DOCK2: variants seen among roughly 807,000 people sequenced by gnomAD.
DOCK2 encodes the protein dedicator of cytokinesis protein 2.
A neutral mutation model predicts 248.9 loss-of-function variants in DOCK2; 87 were observed. That is an observed-to-expected ratio of 0.35 (90% CI 0.29 to 0.42). The LOEUF is 0.42. DOCK2 is among the 10% of genes least tolerant of loss of function. The probability of loss-of-function intolerance (pLI) is 1.00; values close to 1 mark genes in which losing one functional copy is unlikely to be tolerated. For missense variants in DOCK2, 1,747 were observed against 2,300.2 expected (o/e 0.76, Z 4.92); for synonymous variants, 805 against 821.6 (o/e 0.98, Z 0.35).
chr5:169,813,893 A>G (rs958305164), intron 26 of DOCK2, among the ~76,000 whole-genome samples: 4 of 152,204 alleles, frequency 2.6e-5, no homozygotes, highest in African/African-American at 7.2e-5. Context: ...TAGATGGCCA[A>G]TCCCAAAATG....
chr5:169,685,690 C>G (rs1050782661), intron 8 of DOCK2, among the ~76,000 whole-genome samples: 3 of 152,152 alleles, frequency 2.0e-5, no homozygotes, highest in African/African-American at 7.2e-5. Context: ...TAAACAGCGG[C>G]CTCCTGGAGA....
At chr5:169,888,092 C>T (rs1258266370) in intron 27 of DOCK2, among the ~76,000 whole-genome samples, 3 of 152,174 alleles carry the variant, frequency 2.0e-5, no homozygotes, top group Non-Finnish European at 2.9e-5. Context: ...TGGAAACTCT[C>T]GTATTTTTAG....
At chr5:170,049,202 C>T (rs1038348053) in intron 40 of DOCK2, among the ~76,000 whole-genome samples, 3 of 152,202 alleles carry the variant, frequency 2.0e-5, no homozygotes, top group African/African-American at 7.2e-5. Flanking sequence ...GCAACCTCTG[C>T]CTCCTGGGTT....
At chr5:169,856,624 C>T (rs1390539938) in intron 27 of DOCK2, among the ~76,000 whole-genome samples, 1 of 152,166 alleles carries the variant, frequency 6.6e-6, no homozygotes, top group Non-Finnish European at 1.5e-5. Context: ...AACAAAAAAG[C>T]ACACCAAAGA....
intron 8 of DOCK2, among the ~76,000 whole-genome samples, chr5:169,686,972 T>C (rs945155574): frequency 1.3e-5 from 2 of 152,160 alleles, no homozygotes; most frequent in African/African-American, 2.4e-5. Flanking sequence ...CTTACATGTC[T>C]TGGTGCTGTG....
At chr5:169,697,592 C>A (rs906968003) in intron 10 of DOCK2, among the ~76,000 whole-genome samples, 1 of 152,136 alleles carries the variant, frequency 6.6e-6, no homozygotes, top group Non-Finnish European at 1.5e-5. Context: ...TGAGGAGAGT[C>A]AGTTAGAGAG....
At chr5:169,642,935 C>T (rs755322102) in intron 1 of DOCK2, among the ~76,000 whole-genome samples, 2 of 151,926 alleles carry the variant, frequency 1.3e-5, no homozygotes, top group Non-Finnish European at 2.9e-5. Context: ...ATTTCTGGAC[C>T]TTTGGATTTG....
intron 27 of DOCK2, among the ~76,000 whole-genome samples, chr5:169,854,659 C>G (rs765427462): frequency 6.6e-6 from 1 of 152,250 alleles, no homozygotes; most frequent in African/African-American, 2.4e-5. Flanking sequence ...TGGTCTGTCT[C>G]TCTTCCCCTG....
chr5:169,685,877 A>C (rs1036442450), intron 8 of DOCK2, among the ~76,000 whole-genome samples: 2 of 152,242 alleles, frequency 1.3e-5, no homozygotes, highest in Non-Finnish European at 2.9e-5. Flanking sequence ...ATTTATATAC[A>C]GGCCCATCTA....
At chr5:169,807,338 T>C (rs1271206345) in intron 26 of DOCK2, among the ~76,000 whole-genome samples, 3 of 152,192 alleles carry the variant, frequency 2.0e-5, no homozygotes, top group Non-Finnish European at 4.4e-5. Context: ...GGTGGGGTCC[T>C]GGCGTCCAGT....
intron 25 of DOCK2, among the ~76,000 whole-genome samples, chr5:169,773,415 T>A (rs536669128): frequency 2.6e-5 from 4 of 151,982 alleles, no homozygotes; most frequent in African/African-American, 7.3e-5. Context: ...GATCACTTCT[T>A]TAATAGCAAT....
chr5:169,671,303 T>C, intron 5 of DOCK2, 129 bp downstream of exon 5: 1 of 711,146 alleles, frequency 1.4e-6, no homozygotes, highest in Non-Finnish European at 2.4e-6. Context: ...CGCACACTAT[T>C]ACGTGTGAGG....
intron 27 of DOCK2, among the ~76,000 whole-genome samples, chr5:169,953,769 C>A (rs1454506534): frequency 1.3e-5 from 2 of 152,120 alleles, no homozygotes; most frequent in Admixed American, 6.5e-5. Flanking sequence ...GTTTTCTCCT[C>A]GGGAGACACC....
chr5:169,945,102 ACTGTGGTTTCATTTTCTTTCT>A (rs1339922970), intron 27 of DOCK2, among the ~76,000 whole-genome samples: 6 of 152,196 alleles, frequency 3.9e-5, no homozygotes, highest in African/African-American at 1.4e-4. Flanking sequence ...TAGGGAACCG[ACTGTGGTTTCATTTTCTTTCT>A]CTTGGCCCCA....
At chr5:169,718,319 G>A (rs902526821) in intron 21 of DOCK2, among the ~76,000 whole-genome samples, 1 of 151,974 alleles carries the variant, frequency 6.6e-6, no homozygotes, top group African/African-American at 2.4e-5. Flanking sequence ...ACAAGAGCAT[G>A]TTCTATAGAA....
At chr5:169,965,362 G>A (rs1000379674) in intron 27 of DOCK2, among the ~76,000 whole-genome samples, 5 of 152,220 alleles carry the variant, frequency 3.3e-5, no homozygotes, top group Admixed American at 6.5e-5. Context: ...ACTCTGAGTA[G>A]CAAGATAGAC....
At chr5:169,839,027 A>G (rs2113325395) in intron 26 of DOCK2, among the ~76,000 whole-genome samples, 1 of 152,304 alleles carries the variant, frequency 6.6e-6, no homozygotes, top group African/African-American at 2.4e-5. Context: ...ACAAAACCAC[A>G]CTTAAGTTTA....
rs184946956 is a variant in DOCK2 at position 169,965,584 on chromosome 5, C to T, written c.2800-17484C>T. ...CCACATATTAAGATCACCCAGGGAG[C>T]GTTAAACATCCCAATGTCGGGAGAG... On this transcript the variant is annotated intron_variant, in intron 27 of 51. Transcript: ENST00000520908. Among the ~76,000 whole-genome samples, 49 of 152,274 alleles carry T rather than the reference C, an allele frequency of 3.2e-4. No individual in the cohort carries two copies. In the East Asian group the frequency reaches 8.9e-3, roughly 28 times the overall value.
At chr5:169,687,910 G>A (rs979696664) in intron 8 of DOCK2, among the ~76,000 whole-genome samples, 2 of 151,994 alleles carry the variant, frequency 1.3e-5, no homozygotes, top group Non-Finnish European at 2.9e-5. Flanking sequence ...GTAACTTTCC[G>A]TTGAATCTGT....
Sources: allele counts gnomAD v4.1 joint callset (sites outside exome capture counted in the v4.1 genomes callset), GRCh38; gene constraint gnomAD v4.1.1; transcripts MANE v1.5; gene names NCBI Gene and HGNC (gene_info 2026-07-23, HGNC 2026-07-21).